MLXIP: variants seen among roughly 807,000 people sequenced by gnomAD.
MLXIP encodes the protein MLX-interacting protein.
MLXIP carries 30 observed loss-of-function variants against 87.2 expected under a neutral mutation model. The ratio of observed to expected loss-of-function variants is 0.34; its 90% CI spans 0.26 to 0.47. The LOEUF (loss-of-function observed/expected upper bound fraction) is 0.47. MLXIP is among the 20% of genes least tolerant of loss of function. The pLI, the probability that MLXIP is intolerant of heterozygous loss-of-function variation, is 1.00. For missense variants in MLXIP, 1,002 were observed against 1,240.1 expected, an observed-to-expected ratio of 0.81 and a Z score of 2.88; for synonymous variants, 530 against 514.0, an observed-to-expected ratio of 1.03 and a Z score of -0.42.
At chr12:122,106,247 C>G (rs1426116915) in intron 1 of MLXIP, among the ~76,000 whole-genome samples, 4 of 110,778 alleles carry the variant, frequency 3.6e-5, no homozygotes, top group Non-Finnish European at 5.7e-5. Context: ...ACCCTTTTCT[C>G]TCCCTTCTTT....
At chr12:122,124,149 CAGCTGTCCCCCACCCT>C in intron 1 of MLXIP, among the ~76,000 whole-genome samples, 1 of 149,694 alleles carries the variant, frequency 6.7e-6, no homozygotes, top group South Asian at 2.1e-4. Context: ...CTCCCCGCCT[CAGCTGTCCCCCACCCT>C]CAGCCGTCCC....
chr12:122,090,874 C>T (rs557280482), intron 1 of MLXIP, among the ~76,000 whole-genome samples: 20 of 152,294 alleles, frequency 1.3e-4, no homozygotes, highest in African/African-American at 4.8e-4. Flanking sequence ...CAAAAGACCA[C>T]GTATGTGATC....
intron 1 of MLXIP, among the ~76,000 whole-genome samples, chr12:122,107,403 G>A (rs1399548287): frequency 1.3e-5 from 2 of 151,984 alleles, no homozygotes; most frequent in Non-Finnish European, 2.9e-5. Context: ...CCCCACAGTC[G>A]TTCCCCCTCT....
rs1330392566 is a variant in MLXIP at position 122,133,733 on chromosome 12, C to T, written c.1478C>T (p.Thr493Ile). ...VITHTASATLTHDAPATTFSQ... is the reference protein window; with the variant it reads ...VITHTASATLIHDAPATTFSQ... ...ACCCACACGGCCTCTGCCACCCTCA[C>T]CCACGATGCCCCCGCCACCACCTTT... is the stretch of plus-strand genomic sequence containing the variant. Residue 493 changes from threonine to isoleucine, a missense_variant, in exon 9 of 17, where the codon ACC (threonine) becomes ATC (isoleucine). Around this residue, in one of 3 missense-constraint regions of MLXIP, gnomAD observed 746 missense variants for 897.0 expected, o/e 0.83. Transcript: ENST00000319080. The surrounding 1 kb of genome is among the most constrained non-coding windows in gnomAD (Gnocchi z 4.9). 1.2e-6 allele frequency: 2 copies of T among 1,613,632 alleles called. No individual in the cohort carries two copies. Among genetic ancestry groups the T allele is most frequent in the Middle Eastern group, 1.6e-4 (1 of 6,062 alleles).
chr12:122,097,965 C>G (rs1160197132), intron 1 of MLXIP, among the ~76,000 whole-genome samples: 1 of 152,218 alleles, frequency 6.6e-6, no homozygotes, highest in East Asian at 1.9e-4. Flanking sequence ...TGTGAGCCAG[C>G]AGGTAGGTAA....
At chr12:122,084,422 G>C (rs1952136819) in intron 1 of MLXIP, among the ~76,000 whole-genome samples, 1 of 152,182 alleles carries the variant, frequency 6.6e-6, no homozygotes, top group African/African-American at 2.4e-5. Context: ...GGAAGACCTG[G>C]GGAAAGAGTC....
At chr12:122,130,225 T>C (rs1276309811) in intron 6 of MLXIP, 113 bp downstream of exon 6, 19 of 1,116,562 alleles carry the variant, frequency 1.7e-5, no homozygotes, top group Middle Eastern at 2.9e-4. Flanking sequence ...CACGTCACGG[T>C]TGGGGGCAGG....
intron 15 of MLXIP, 170 bp from the exon 16 acceptor site, chr12:122,140,784 G>A: frequency 3.9e-6 from 4 of 1,016,748 alleles, no homozygotes; most frequent in South Asian, 1.3e-5. Context: ...TTCATGAAGT[G>A]GAAGACACAC....
chr12:122,095,273 G>GGT (rs1257094888), intron 1 of MLXIP, among the ~76,000 whole-genome samples: 2 of 150,720 alleles, frequency 1.3e-5, no homozygotes, highest in Non-Finnish European at 3.0e-5. Context: ...GTGGTGTGTT[G>GGT]GTGTGTGTGG....
chr12:122,082,659 C>G (rs1260637601), intron 1 of MLXIP, among the ~76,000 whole-genome samples: 1 of 152,220 alleles, frequency 6.6e-6, no homozygotes, highest in African/African-American at 2.4e-5. Flanking sequence ...AGGGTCTTAG[C>G]TGAGCTTTCA....
chr12:122,137,643 A>T lies in MLXIP; in HGVS notation c.2154+53A>T, dbSNP rs766083717. 1.3e-5 allele frequency: 21 copies of T among 1,582,626 alleles called. No homozygotes were observed. Among genetic ancestry groups the T allele is most frequent in the Non-Finnish European group, 1.8e-5 (21 of 1,165,732 alleles). Reference sequence around the variant, plus strand: ...TGGGAGGAGGGGAGAGGAGTGCAGGACATCAAGGATCTGTGTCTTGTCTGG... The same window carrying T: ...TGGGAGGAGGGGAGAGGAGTGCAGGTCATCAAGGATCTGTGTCTTGTCTGG... On this transcript the variant is annotated intron_variant, in intron 12 of 16. Transcript: ENST00000319080. The surrounding 1 kb of genome is among the most constrained non-coding windows in gnomAD (Gnocchi z 4.1).
intron 1 of MLXIP, among the ~76,000 whole-genome samples, chr12:122,082,613 C>G (rs1456045093): frequency 6.6e-6 from 1 of 152,196 alleles, no homozygotes; most frequent in African/African-American, 2.4e-5. Context: ...GAGCCCGTGT[C>G]TTATCTATGA....
chr12:122,123,036 G>C (rs1952810019), intron 1 of MLXIP, among the ~76,000 whole-genome samples: 1 of 152,044 alleles, frequency 6.6e-6, no homozygotes, highest in South Asian at 2.1e-4. Flanking sequence ...ACCCTGTGAA[G>C]AAGGGTCCCC....
chr12:122,115,984 G>A (rs892265794), intron 1 of MLXIP, among the ~76,000 whole-genome samples: 7 of 152,034 alleles, frequency 4.6e-5, no homozygotes, highest in African/African-American at 1.7e-4. Flanking sequence ...CCGGGAGGTG[G>A]AGGTTGCAGT....
chr12:122,107,785 T>TGAAAAGGG (rs1952543532), intron 1 of MLXIP, among the ~76,000 whole-genome samples: 1 of 151,672 alleles, frequency 6.6e-6, no homozygotes, highest in African/African-American at 2.4e-5. Context: ...TTTTCCGAGT[T>TGAAAAGGG]GGCCCTGATT....
intron 1 of MLXIP, among the ~76,000 whole-genome samples, chr12:122,101,144 G>A (rs191945828): frequency 4.4e-4 from 67 of 152,296 alleles, no homozygotes; most frequent in African/African-American, 1.3e-3. Context: ...ATTATGAGAT[G>A]GACATTCACT....
At chr12:122,084,117 A>G (rs1020492972) in intron 1 of MLXIP, among the ~76,000 whole-genome samples, 9 of 150,046 alleles carry the variant, frequency 6.0e-5, no homozygotes, top group Non-Finnish European at 1.2e-4. Flanking sequence ...CTCTTGTGAC[A>G]CTACCGGGAA....
intron 1 of MLXIP, among the ~76,000 whole-genome samples, chr12:122,084,535 C>T (rs1952138383): frequency 6.6e-6 from 1 of 152,126 alleles, no homozygotes; most frequent in South Asian, 2.1e-4. Context: ...TCCACATTCT[C>T]CTTCCATGAC....
At chr12:122,106,356 A>G (rs1345974647) in intron 1 of MLXIP, among the ~76,000 whole-genome samples, 2 of 152,144 alleles carry the variant, frequency 1.3e-5, no homozygotes, top group Non-Finnish European at 2.9e-5. Flanking sequence ...CATACACTCC[A>G]CACATGCCTT....
Sources: allele counts gnomAD v4.1 joint callset (sites outside exome capture counted in the v4.1 genomes callset), GRCh38; gene constraint gnomAD v4.1.1; regional missense constraint gnomAD v4.1.1; non-coding constraint Gnocchi (gnomAD v3.1); transcripts MANE v1.5; gene names NCBI Gene and HGNC (gene_info 2026-07-23, HGNC 2026-07-21).